The following CPED1 variants were observed in gnomAD, a reference collection of about 807,000 sequenced individuals.
The protein encoded by CPED1 is cadherin-like and PC-esterase domain-containing protein 1.
In CPED1, 114 loss-of-function variants were observed where a neutral mutation model predicts 128.2. The ratio of observed to expected loss-of-function variants is 0.89; its 90% confidence interval spans 0.76 to 1.04. The LOEUF (loss-of-function observed/expected upper bound fraction) is 1.04, where lower values mean the gene tolerates loss of function less well. Ranked by LOEUF, CPED1 falls within the 50% of genes least tolerant of loss-of-function variation. The probability of loss-of-function intolerance (pLI) is 0.00; values close to 1 mark genes in which losing one functional copy is unlikely to be tolerated. For missense variants in CPED1, 1,211 were observed against 1,207.1 expected (o/e 1.00, Z -0.05); for synonymous variants, 462 against 426.7 (o/e 1.08, Z -1.02).
chr7:121,246,185 C>G (rs1798527344), intron 18 of CPED1, among the ~76,000 whole-genome samples: 2 of 152,154 alleles, frequency 1.3e-5, no homozygotes, highest in Non-Finnish European at 2.9e-5. Flanking sequence ...ACCTGAAAAG[C>G]AGTAGATGTT....
intron 2 of CPED1, among the ~76,000 whole-genome samples, chr7:121,010,790 C>G (rs1268194967): frequency 6.6e-6 from 1 of 152,124 alleles, no homozygotes; most frequent in Non-Finnish European, 1.5e-5. Flanking sequence ...CAGAAGTACA[C>G]TAAAGCTTCA....
At chr7:121,197,146 A>G (rs1249522411) in intron 16 of CPED1, among the ~76,000 whole-genome samples, 2 of 143,586 alleles carry the variant, frequency 1.4e-5, no homozygotes, top group Non-Finnish European at 3.0e-5. Flanking sequence ...TCTAGAGAGG[A>G]CCCAATAAGT....
At chr7:121,001,369 C>G (rs1326208108) in intron 2 of CPED1, among the ~76,000 whole-genome samples, 1 of 152,056 alleles carries the variant, frequency 6.6e-6, no homozygotes, top group Non-Finnish European at 1.5e-5. Context: ...TTGTAACATA[C>G]ATCACAGCTG....
chr7:121,225,700 C>T (rs1488626035), intron 16 of CPED1, among the ~76,000 whole-genome samples: 1 of 151,966 alleles, frequency 6.6e-6, no homozygotes, highest in East Asian at 1.9e-4. Context: ...TTTCTCTAAC[C>T]TTGTTTTCTC....
At chr7:121,043,568 A>C (rs1793113755) in intron 3 of CPED1, among the ~76,000 whole-genome samples, 1 of 152,186 alleles carries the variant, frequency 6.6e-6, no homozygotes, top group African/African-American at 2.4e-5. Flanking sequence ...CAAATGGCCA[A>C]CTCATGGAAA....
chr7:121,020,676 A>G (rs2215786), intron 3 of CPED1, among the ~76,000 whole-genome samples: 120,235 of 151,670 alleles, frequency 0.79, 47,930 homozygotes, highest in East Asian at 0.94. Flanking sequence ...TATAAAATTA[A>G]GCACCAAACT....
chr7:121,242,860 C>T (rs4731001), intron 17 of CPED1, among the ~76,000 whole-genome samples: 63,692 of 151,776 alleles, frequency 0.42, 13,818 homozygotes, highest in Middle Eastern at 0.53. Flanking sequence ...AATATACCTA[C>T]ATTTCTTTCT....
rs572036179 is a variant in CPED1, at chr7:121,239,232, A to T, written c.2173+2401A>T. On this transcript the variant is annotated intron_variant, in intron 17 of 22. Coordinates refer to ENST00000310396, the MANE Select transcript of CPED1 (RefSeq NM_024913.5). ...TTTGAAAATCTTATTTTAAAAGCAC[A>T]TTACAGCTATTTGGCAAAACTGGAT... Among the ~76,000 whole-genome samples, 2 of 152,188 alleles carry T rather than the reference A, an allele frequency of 1.3e-5. 1 individual carries two copies. The highest frequency in any genetic ancestry group is 1.3e-4 in the Admixed American group (2 of 15,284).
At chr7:121,229,411 CT>C in intron 16 of CPED1, among the ~76,000 whole-genome samples, 1 of 152,118 alleles carries the variant, frequency 6.6e-6, no homozygotes, top group Non-Finnish European at 1.5e-5. Flanking sequence ...TGTTATCTTG[CT>C]TCTCAGCATA....
intron 16 of CPED1, among the ~76,000 whole-genome samples, chr7:121,210,753 G>A (rs1797624787): frequency 6.6e-6 from 1 of 151,870 alleles, no homozygotes; most frequent in South Asian, 2.1e-4. Context: ...TAGCACGAGA[G>A]TGACTACAGT....
intron 2 of CPED1, among the ~76,000 whole-genome samples, chr7:120,999,336 C>T (rs1355371080): frequency 6.6e-6 from 1 of 152,042 alleles, no homozygotes; most frequent in Non-Finnish European, 1.5e-5. Context: ...ATTGATTTCT[C>T]GTTATCATCA....
intron 16 of CPED1, among the ~76,000 whole-genome samples, chr7:121,183,550 C>T (rs1796941155): frequency 6.6e-6 from 1 of 152,092 alleles, no homozygotes; most frequent in African/African-American, 2.4e-5. Flanking sequence ...CATGTTCTCT[C>T]ACAGATCTAA....
intron 3 of CPED1, among the ~76,000 whole-genome samples, chr7:121,028,558 G>A (rs183522505): frequency 1.3e-5 from 2 of 152,280 alleles, no homozygotes; most frequent in Admixed American, 1.3e-4. Flanking sequence ...ACAAGCAGCT[G>A]AATTTAGACT....
chr7:121,072,185 C>T (rs375425589), intron 5 of CPED1, among the ~76,000 whole-genome samples: 1 of 139,346 alleles, frequency 7.2e-6, no homozygotes, highest in Non-Finnish European at 1.5e-5. Context: ...TTTTCCTATA[C>T]AAAAAAAAAA....
intron 4 of CPED1, among the ~76,000 whole-genome samples, chr7:121,058,404 G>A (rs1217951353): frequency 1.3e-5 from 2 of 152,138 alleles, no homozygotes; most frequent in African/African-American, 4.8e-5. Context: ...TAGCAATGGG[G>A]TGGTGAGCTG....
Position 121,133,838 on chromosome 7 carries a change from A to AG in CPED1, c.1594dup (p.Asp532GlyfsTer2), listed in dbSNP as rs774719303. On this transcript the variant is annotated frameshift_variant, in exon 13 of 23. Transcript: ENST00000310396. LOFTEE classifies it high-confidence loss of function. ...GCATTTGCAGGAATTCTTTCACAGA[A>AG]GATAAGAACATTGAAAAACCACAAG... 8.1e-6 allele frequency: 13 copies of AG among 1,601,882 alleles called. No individual in the cohort carries two copies. In the South Asian group the frequency reaches 1.5e-4, roughly 18 times the overall value.
chr7:121,210,921 A>G (rs1314860818), intron 16 of CPED1, among the ~76,000 whole-genome samples: 3 of 152,040 alleles, frequency 2.0e-5, no homozygotes, highest in South Asian at 2.1e-4. Context: ...CATGTATCCT[A>G]CAAGTATTGT....
chr7:121,060,937 C>A (rs183615740), intron 4 of CPED1, among the ~76,000 whole-genome samples: 1 of 152,112 alleles, frequency 6.6e-6, no homozygotes, highest in Non-Finnish European at 1.5e-5. Context: ...AGCGAGACCA[C>A]GAGCCCCCCG....
chr7:121,100,225 G>A (rs533090612), intron 7 of CPED1, 131 bp downstream of exon 7: 23 of 783,788 alleles, frequency 2.9e-5, no homozygotes, highest in African/African-American at 1.0e-4. Flanking sequence ...TTTTATTGCC[G>A]CAAGAAAAGA....
Sources: gnomAD v4.1 joint callset for allele counts (sites outside exome capture counted in the v4.1 genomes callset) on GRCh38, gnomAD v4.1.1 for gene constraint, MANE v1.5 for transcripts, NCBI Gene and HGNC (gene_info 2026-07-23, HGNC 2026-07-21) for gene names.